DGLUCY: variants seen among roughly 807,000 people sequenced by gnomAD.
The protein encoded by DGLUCY is D-glutamate cyclase.
In DGLUCY, 58 loss-of-function variants were observed where a neutral mutation model predicts 58.5. The observed-to-expected ratio is 0.99, with a 90% CI of 0.80 to 1.23. DGLUCY has a LOEUF of 1.23. Among genes scored for constraint, DGLUCY ranks in the 50% most tolerant of loss-of-function variants. The pLI is 0.00. For missense variants in DGLUCY, 779 were observed against 784.7 expected, an observed-to-expected ratio of 0.99 and a Z score of 0.09; for synonymous variants, 325 against 314.1, an observed-to-expected ratio of 1.03 and a Z score of -0.37.
intron 1 of DGLUCY, among the ~76,000 whole-genome samples, chr14:91,102,618 G>C (rs1459131422): frequency 1.5e-4 from 23 of 152,144 alleles, no homozygotes; most frequent in Admixed American, 1.4e-3. Context: ...TTTCTTCTTG[G>C]TAGGGTAAAA....
chr14:91,111,200 ATATGTGTGTGTGTGTGTG>A (rs1429335809), upstream of DGLUCY, among the ~76,000 whole-genome samples: 33 of 79,150 alleles, frequency 4.2e-4, no homozygotes, highest in African/African-American at 1.0e-3. Flanking sequence ...TTATTTATAT[ATATGTGTGTGTGTGTGTG>A]TGTGTGTGTG....
At chr14:91,220,481 C>CT (rs1254237858) in intron 13 of DGLUCY, 1 of 456,370 alleles carries the variant, frequency 2.2e-6, no homozygotes, top group Non-Finnish European at 4.4e-6. Flanking sequence ...CTGAGCCAGG[C>CT]TTGATGGTGG....
At chr14:91,169,724 T>C (rs1156690474) in intron 4 of DGLUCY, among the ~76,000 whole-genome samples, 1 of 152,014 alleles carries the variant, frequency 6.6e-6, no homozygotes, top group Non-Finnish European at 1.5e-5. Flanking sequence ...TTTACTTTTC[T>C]CGGTGGTTTG....
At chr14:91,079,253 C>T (rs1347869958) in intron 1 of DGLUCY, among the ~76,000 whole-genome samples, 5 of 151,910 alleles carry the variant, frequency 3.3e-5, no homozygotes, top group Admixed American at 1.3e-4. Context: ...TCATTCTGAG[C>T]GCAATATTAT....
intron 1 of DGLUCY, among the ~76,000 whole-genome samples, chr14:91,098,106 A>G (rs1253787376): frequency 6.6e-6 from 1 of 152,232 alleles, no homozygotes; most frequent in Non-Finnish European, 1.5e-5. Context: ...TTTCTACCAT[A>G]TAGATGTAAA....
chr14:91,063,952 T>C (rs1461163759), intron 1 of DGLUCY, among the ~76,000 whole-genome samples: 2 of 146,754 alleles, frequency 1.4e-5, no homozygotes, highest in East Asian at 3.9e-4. Flanking sequence ...AGGCTATCAC[T>C]GTAATCTGGG....
chr14:91,223,350 T>C (rs1453497291), intron 13 of DGLUCY, among the ~76,000 whole-genome samples: 2 of 152,186 alleles, frequency 1.3e-5, no homozygotes, highest in Admixed American at 1.3e-4. Flanking sequence ...AATGAGCAAA[T>C]GCCTGAGCAG....
At chr14:91,132,704 C>T (rs867845459) in intron 1 of DGLUCY, among the ~76,000 whole-genome samples, 2 of 151,876 alleles carry the variant, frequency 1.3e-5, no homozygotes, top group African/African-American at 4.8e-5. Flanking sequence ...TCTCGAACTC[C>T]TGACCTCAGG....
chr14:91,153,883 G>A (rs1408661018), intron 1 of DGLUCY, among the ~76,000 whole-genome samples: 2 of 152,054 alleles, frequency 1.3e-5, no homozygotes, highest in East Asian at 3.9e-4. Context: ...AGGTGGTCGG[G>A]GTACAGGTTT....
intron 11 of DGLUCY, among the ~76,000 whole-genome samples, chr14:91,201,385 G>A (rs551922624): frequency 2.3e-4 from 35 of 151,194 alleles, no homozygotes; most frequent in Admixed American, 1.8e-3. Context: ...TGCAACCTCC[G>A]CCTCCCAGGT....
intron 1 of DGLUCY, among the ~76,000 whole-genome samples, chr14:91,068,542 C>T (rs2043865202): frequency 6.6e-6 from 1 of 152,068 alleles, no homozygotes; most frequent in South Asian, 2.1e-4. Flanking sequence ...GTGGGGCATG[C>T]CTTGTGATCC....
chr14:91,171,930 G>A lies in DGLUCY; in HGVS notation c.457-1359G>A, dbSNP rs562524255. 3.9e-5 allele frequency among the ~76,000 whole-genome samples: 6 copies of A among 152,230 alleles called. No homozygotes were observed. The South Asian group carries it at 8.3e-4, about 21-fold the overall frequency. Reference sequence around the variant, plus strand: ...TGTTCTCCCTTGCCTCCCTCTGCCCGTGATTCACCAGAGGCTGTTTACCTT... The same window carrying A: ...TGTTCTCCCTTGCCTCCCTCTGCCCATGATTCACCAGAGGCTGTTTACCTT... On this transcript the variant is annotated intron_variant, in intron 5 of 13. Transcript: ENST00000256324.
intron 1 of DGLUCY, among the ~76,000 whole-genome samples, chr14:91,146,759 G>A (rs2047035826): frequency 6.6e-6 from 1 of 152,178 alleles, no homozygotes; most frequent in South Asian, 2.1e-4. Flanking sequence ...AACAACAGCT[G>A]CAGAAGGTGA....
intron 13 of DGLUCY, among the ~76,000 whole-genome samples, chr14:91,219,673 G>A (rs1887136558): frequency 6.6e-6 from 1 of 152,230 alleles, no homozygotes; most frequent in Non-Finnish European, 1.5e-5. Context: ...GGCACACCCT[G>A]CCCACTCTGG....
upstream of DGLUCY, among the ~76,000 whole-genome samples, chr14:91,103,943 C>T (rs1437196532): frequency 6.6e-6 from 1 of 152,056 alleles, no homozygotes; most frequent in Non-Finnish European, 1.5e-5. Flanking sequence ...TCCCTTGCCT[C>T]CCATTCCCTC....
At chr14:91,140,447 G>T (rs1351609267) in intron 1 of DGLUCY, among the ~76,000 whole-genome samples, 2 of 152,174 alleles carry the variant, frequency 1.3e-5, no homozygotes, top group African/African-American at 2.4e-5. Context: ...TGAGGCTGGC[G>T]GATCACCTGA....
chr14:91,142,329 T>A (rs896155374), intron 1 of DGLUCY, among the ~76,000 whole-genome samples: 1 of 152,062 alleles, frequency 6.6e-6, no homozygotes, highest in African/African-American at 2.4e-5. Flanking sequence ...TGACAAGCAC[T>A]CCAGGGTCCT....
At chr14:91,076,518 T>C (rs1482075487) in intron 1 of DGLUCY, among the ~76,000 whole-genome samples, 2 of 152,078 alleles carry the variant, frequency 1.3e-5, no homozygotes, top group Admixed American at 1.3e-4. Flanking sequence ...GTAGAAGCCA[T>C]AGATAGGAAG....
intron 1 of DGLUCY, among the ~76,000 whole-genome samples, chr14:91,101,421 C>G (rs1001974081): frequency 1.3e-5 from 2 of 152,128 alleles, no homozygotes; most frequent in Admixed American, 1.3e-4. Flanking sequence ...TTTGAGAGCC[C>G]CTGTGTGAGG....
Sources: allele counts gnomAD v4.1 joint callset (sites outside exome capture counted in the v4.1 genomes callset), GRCh38; gene constraint gnomAD v4.1.1; transcripts MANE v1.5; gene names NCBI Gene and HGNC (gene_info 2026-07-23, HGNC 2026-07-21).